The following WDPCP variants were observed in gnomAD, a reference collection of about 807,000 sequenced individuals.
WDPCP encodes the protein WD repeat-containing and planar cell polarity effector protein fritz homolog.
A neutral mutation model predicts 93.1 loss-of-function variants in WDPCP; 71 were observed. That is an observed-to-expected ratio of 0.76 (90% confidence interval 0.63 to 0.93). WDPCP has a LOEUF of 0.93. Ranked by LOEUF, WDPCP falls within the 40% of genes least tolerant of loss-of-function variation. WDPCP has a pLI of 0.00. For missense variants in WDPCP, 844 were observed against 887.4 expected (o/e 0.95, Z 0.62); for synonymous variants, 315 against 315.0 (o/e 1.00, Z 0.00).
chr2:63,202,682 T>G lies in WDPCP; in HGVS notation c.1916-27850A>C, dbSNP rs1168880489. ...AAAGCGTTACATCTTCCTTGTGAAT[T>G]GTAGTATTTAGCATTATGAAAGCCC... On this transcript the variant is annotated intron_variant, in intron 14 of 17. Transcript: ENST00000272321. Among the ~76,000 whole-genome samples the G allele has an allele frequency of 5.3e-5, 8 of 152,176 alleles. 1 individual carries two copies. The East Asian group carries it at 1.5e-3, about 29-fold the overall frequency.
At position 63,321,228 on chromosome 2, in the gene WDPCP, TAAAC is replaced by T. The variant is rs796258603; in HGVS notation, c.1749-7921_1749-7918del. 2.0e-4 allele frequency among the ~76,000 whole-genome samples: 30 copies of T among 152,188 alleles called. 1 individual carries two copies. Among genetic ancestry groups the T allele is most frequent in the East Asian group, 1.9e-3 (10 of 5,180 alleles). ...TCAGCAAGATAAACAAATGGAAAGTTAAACAAATAAAGTAATAGATGATCTCTAT... is the reference window on the plus strand; with the variant it reads ...TCAGCAAGATAAACAAATGGAAAGTTAAATAAAGTAATAGATGATCTCTAT... On this transcript the variant is annotated intron_variant, in intron 12 of 17. Transcript: ENST00000272321.
chr2:63,258,191 T>C (rs1372377558), intron 14 of WDPCP, among the ~76,000 whole-genome samples: 4 of 152,166 alleles, frequency 2.6e-5, no homozygotes, highest in East Asian at 1.9e-4. Context: ...TAACAAGATA[T>C]AGTGATAGGT....
rs937756428 is a variant in WDPCP at position 63,238,357 on chromosome 2, C to G, written c.1915+20950G>C. Among the ~76,000 whole-genome samples, 3 of 152,034 alleles carry G rather than the reference C, an allele frequency of 2.0e-5. No homozygotes were observed. In the South Asian group the frequency reaches 6.2e-4, roughly 32 times the overall value. On this transcript the variant is annotated intron_variant, in intron 14 of 17. Coordinates refer to ENST00000272321, the MANE Select transcript of WDPCP (RefSeq NM_015910.7). ...CATGTGACTACTGAATCTTGAAACA[C>G]GGCTCATGTGACTGGGGAACTACAT...
chr2:63,328,415 G>C (rs1687730011), intron 12 of WDPCP, among the ~76,000 whole-genome samples: 1 of 152,142 alleles, frequency 6.6e-6, no homozygotes, highest in South Asian at 2.1e-4. Context: ...TTACTGCGAA[G>C]GTCTGCAGCT....
intron 1 of WDPCP, among the ~76,000 whole-genome samples, chr2:63,550,847 C>G (rs952402085): frequency 2.6e-5 from 4 of 151,282 alleles, no homozygotes; most frequent in African/African-American, 9.7e-5. Flanking sequence ...TCATCTACCC[C>G]CAACTCCTGA....
intron 2 of WDPCP, among the ~76,000 whole-genome samples, chr2:63,753,969 A>C (rs534634523): frequency 6.6e-6 from 1 of 152,280 alleles, no homozygotes; most frequent in African/African-American, 2.4e-5. Flanking sequence ...CTCGGGAAAA[A>C]CCTGTAAGTG....
chr2:63,804,415 C>G (rs1670734746), intron 2 of WDPCP, among the ~76,000 whole-genome samples: 1 of 151,796 alleles, frequency 6.6e-6, no homozygotes, highest in Non-Finnish European at 1.5e-5. Flanking sequence ...CCACACCCGG[C>G]TAATTTTTTT....
chr2:63,339,359 G>A (rs1688675591), intron 12 of WDPCP, among the ~76,000 whole-genome samples: 1 of 152,084 alleles, frequency 6.6e-6, no homozygotes, highest in Non-Finnish European at 1.5e-5. Context: ...TTTTAGTAGA[G>A]ACGGGGTTTC....
chr2:63,585,830 A>ATT (rs1372779552), intron 1 of WDPCP, among the ~76,000 whole-genome samples: 1 of 133,180 alleles, frequency 7.5e-6, no homozygotes, highest in Non-Finnish European at 1.5e-5. Context: ...AGGTTAAATA[A>ATT]TTTTCTTTTT....
chr2:63,183,386 T>TAAAG (rs1176575545), intron 14 of WDPCP, among the ~76,000 whole-genome samples: 7 of 152,088 alleles, frequency 4.6e-5, no homozygotes, highest in Non-Finnish European at 8.8e-5. Context: ...GTCTTTGACC[T>TAAAG]AAAGACCATT....
At chr2:63,321,733 A>C (rs7559137) in intron 12 of WDPCP, among the ~76,000 whole-genome samples, 121,808 of 152,046 alleles carry the variant, frequency 0.8, 49,657 homozygotes, top group East Asian at 0.96. Flanking sequence ...ATCCCTGCTT[A>C]GTTTGTATTT....
At chr2:63,733,854 T>C (rs1004445493) in intron 2 of WDPCP, among the ~76,000 whole-genome samples, 1 of 152,158 alleles carries the variant, frequency 6.6e-6, no homozygotes, top group Non-Finnish European at 1.5e-5. Context: ...ACTATCTCAT[T>C]CTAAACATTT....
chr2:63,824,339 C>T (rs1671076544), intron 1 of WDPCP, among the ~76,000 whole-genome samples: 1 of 150,452 alleles, frequency 6.6e-6, no homozygotes, highest in Non-Finnish European at 1.5e-5. Flanking sequence ...CAATCTCAGG[C>T]AGTTCTTACA....
chr2:63,572,751 A>G (rs566780345), intron 1 of WDPCP, among the ~76,000 whole-genome samples: 39 of 150,102 alleles, frequency 2.6e-4, no homozygotes, highest in South Asian at 8.5e-4. Flanking sequence ...ATCACTAGCA[A>G]GAGAGTAAAG....
intron 2 of WDPCP, among the ~76,000 whole-genome samples, chr2:63,749,322 T>C (rs956465387): frequency 3.9e-5 from 6 of 152,122 alleles, no homozygotes; most frequent in Non-Finnish European, 5.9e-5. Flanking sequence ...GCTAAAATAC[T>C]ACACTTCTCC....
At chr2:63,455,034 C>A (rs559519433) in intron 6 of WDPCP, among the ~76,000 whole-genome samples, 2 of 152,238 alleles carry the variant, frequency 1.3e-5, no homozygotes, top group African/African-American at 4.8e-5. Flanking sequence ...ACCTGCCTTA[C>A]AAGAAAGGCT....
At chr2:63,327,184 C>G (rs1263088605) in intron 12 of WDPCP, among the ~76,000 whole-genome samples, 1 of 152,170 alleles carries the variant, frequency 6.6e-6, no homozygotes, top group African/African-American at 2.4e-5. Flanking sequence ...TAAGGAAACT[C>G]TTGTAGAAGC....
At chr2:63,718,063 C>T (rs922394369) in intron 2 of WDPCP, among the ~76,000 whole-genome samples, 5 of 151,726 alleles carry the variant, frequency 3.3e-5, no homozygotes, top group African/African-American at 1.2e-4. Context: ...TATATTAAAA[C>T]ATTAAACAAT....
intron 6 of WDPCP, among the ~76,000 whole-genome samples, chr2:63,471,206 A>G (rs1242315729): frequency 1.3e-5 from 2 of 152,240 alleles, no homozygotes; most frequent in African/African-American, 4.8e-5. Context: ...TGCTATCCCC[A>G]GCACATAGAA....
Sources: allele counts gnomAD v4.1 joint callset (sites outside exome capture counted in the v4.1 genomes callset), GRCh38; gene constraint gnomAD v4.1.1; transcripts MANE v1.5; gene names NCBI Gene and HGNC (gene_info 2026-07-23, HGNC 2026-07-21).